CAPN2: variants seen among roughly 807,000 people sequenced by gnomAD.
CAPN2 encodes calpain 2.
A neutral mutation model predicts 102.3 loss-of-function variants in CAPN2; 92 were observed. The ratio of observed to expected loss-of-function variants is 0.90; its 90% CI spans 0.76 to 1.07. CAPN2 has a LOEUF of 1.07. Among genes scored for constraint, CAPN2 ranks in the 50% least tolerant of loss-of-function variants. The probability of loss-of-function intolerance (pLI) is 0.00; values close to 1 mark genes in which losing one functional copy is unlikely to be tolerated. For missense variants in CAPN2, 800 were observed against 909.4 expected, an observed-to-expected ratio of 0.88 and a Z score of 1.55; for synonymous variants, 340 against 355.4, an observed-to-expected ratio of 0.96 and a Z score of 0.49.
At chr1:223,704,518 A>G (rs1659557746) in intron 1 of CAPN2, among the ~76,000 whole-genome samples, 1 of 152,212 alleles carries the variant, frequency 6.6e-6, no homozygotes, top group Non-Finnish European at 1.5e-5. Context: ...TATTCTACAG[A>G]TGGAGAAATT....
chr1:223,742,692 G>A (rs895799359), intron 2 of CAPN2, among the ~76,000 whole-genome samples: 1 of 133,956 alleles, frequency 7.5e-6, no homozygotes, highest in Non-Finnish European at 1.5e-5. Context: ...GCAAATTTTT[G>A]TATTTTTTTG....
intron 17 of CAPN2, 36 bp from the exon 18 acceptor site, chr1:223,770,411 G>T: frequency 6.7e-7 from 1 of 1,498,198 alleles, no homozygotes; most frequent in Non-Finnish European, 9.3e-7. Flanking sequence ...GCTTTGCTTT[G>T]GGTCATAGTT....
chr1:223,773,948 C>T (rs772674830), intron 20 of CAPN2, among the ~76,000 whole-genome samples: 10 of 152,110 alleles, frequency 6.6e-5, no homozygotes, highest in African/African-American at 9.7e-5. Context: ...GTGGGAGGAA[C>T]ACCTGAGCCC....
At chr1:223,771,725 C>A in intron 18 of CAPN2, 84 bp from the exon 19 acceptor site, 1 of 858,790 alleles carries the variant, frequency 1.2e-6, no homozygotes, top group South Asian at 1.4e-5. Context: ...TTTAAATCAC[C>A]ACATTAGTTT....
chr1:223,774,288 T>G (rs138063269), intron 20 of CAPN2, among the ~76,000 whole-genome samples: 1 of 152,174 alleles, frequency 6.6e-6, no homozygotes, highest in African/African-American at 2.4e-5. Flanking sequence ...TTCCTGGAGA[T>G]CCTCGCTTCT....
intron 14 of CAPN2, among the ~76,000 whole-genome samples, chr1:223,763,464 G>T (rs1661239287): frequency 6.6e-6 from 1 of 152,126 alleles, no homozygotes; most frequent in Non-Finnish European, 1.5e-5. Context: ...ATCAATCTTG[G>T]TTTTAAACAA....
rs941330233 is a variant in CAPN2 at position 223,768,510 on chromosome 1, G to A, written c.1756-1331G>A. On this transcript the variant is annotated intron_variant, in intron 16 of 20. Transcript: ENST00000295006. The stretch of plus-strand genomic sequence containing the variant: ...AAGATCAGATAGTTGTAGATACGGC[G>A]TTATTTCTGAGGGCTCTGTTCTGTT... Among the ~76,000 whole-genome samples, 42 of 152,156 alleles carry A rather than the reference G, an allele frequency of 2.8e-4. 1 individual carries two copies. Among genetic ancestry groups the A allele is most frequent in the Admixed American group, 1.3e-3 (20 of 15,270 alleles).
intron 20 of CAPN2, among the ~76,000 whole-genome samples, chr1:223,773,714 G>C (rs1306766759): frequency 6.6e-6 from 1 of 151,928 alleles, no homozygotes; most frequent in Non-Finnish European, 1.5e-5. Flanking sequence ...AAAATTAGCT[G>C]GGCGTGGTGG....
chr1:223,770,040 C>G, intron 17 of CAPN2, 131 bp downstream of exon 17: 2 of 811,702 alleles, frequency 2.5e-6, no homozygotes, highest in Non-Finnish European at 4.1e-6. Context: ...TAATGAAGCT[C>G]AGAGTGAGTA....
intron 6 of CAPN2, 133 bp from the exon 7 acceptor site, chr1:223,750,757 C>T: frequency 1.3e-6 from 1 of 771,048 alleles, no homozygotes; most frequent in South Asian, 1.6e-5. Flanking sequence ...TACATGGACT[C>T]AACCCCCAAA....
At chr1:223,749,273 A>G in intron 6 of CAPN2, 151 bp downstream of exon 6, 7 of 662,480 alleles carry the variant, frequency 1.1e-5, no homozygotes, top group Non-Finnish European at 1.8e-5. Context: ...GCGGGAGGAG[A>G]AGGGCGTCCC....
intron 2 of CAPN2, among the ~76,000 whole-genome samples, chr1:223,739,794 C>T (rs958797874): frequency 6.6e-6 from 1 of 152,204 alleles, no homozygotes. Flanking sequence ...GAGAGGCCTC[C>T]GTCACTGGAA....
intron 2 of CAPN2, among the ~76,000 whole-genome samples, chr1:223,719,981 T>G (rs1660007908): frequency 6.6e-6 from 1 of 152,214 alleles, no homozygotes; most frequent in East Asian, 1.9e-4. Flanking sequence ...TGATGGGGCC[T>G]TGACCTTCAC....
chr1:223,724,259 TG>T (rs1341609879), intron 2 of CAPN2, among the ~76,000 whole-genome samples: 2 of 152,118 alleles, frequency 1.3e-5, no homozygotes, highest in African/African-American at 4.8e-5. Flanking sequence ...GACACTCATC[TG>T]GGGATTTGAG....
intron 2 of CAPN2, among the ~76,000 whole-genome samples, 166 bp from the exon 3 acceptor site, chr1:223,743,934 C>A (rs28370050): frequency 3.0e-3 from 458 of 152,324 alleles, no homozygotes; most frequent in African/African-American, 0.011. Context: ...ACCTAATAGC[C>A]CCCAAACCCT....
At chr1:223,703,955 T>A (rs1659543816) in intron 1 of CAPN2, among the ~76,000 whole-genome samples, 1 of 152,204 alleles carries the variant, frequency 6.6e-6, no homozygotes, top group Non-Finnish European at 1.5e-5. Flanking sequence ...GACCCTCTCA[T>A]GAACATCTCA....
In CAPN2 at chr1:223,755,535, C is replaced by G. The variant is rs201268064; in HGVS notation, c.1191C>G (p.Asp397Glu). 1.2e-6 allele frequency: 2 copies of G among 1,613,794 alleles called. No homozygotes were observed. The highest frequency in any genetic ancestry group is 1.1e-5 in the South Asian group (1 of 90,824). The change falls in exon 10 of 21, where the codon GAC becomes GAG. Residue 397 changes from aspartate (D) to glutamate (E), a missense_variant. Coordinates refer to ENST00000295006, the MANE Select transcript of CAPN2 (RefSeq NM_001748.5). The surrounding 1 kb of genome is among the most constrained non-coding windows in gnomAD (Gnocchi z 4.1). ...YLIKLEEEDEDEEDGESGCTF... is the reference protein window; with the variant it reads ...YLIKLEEEDEEEEDGESGCTF... ...TCAAGCTGGAGGAGGAGGATGAGGA[C>G]GAGGAGGATGGGGAGAGCGGCTGCA...
intron 1 of CAPN2, among the ~76,000 whole-genome samples, chr1:223,703,263 T>A (rs915459545): frequency 2.1e-4 from 32 of 152,198 alleles, no homozygotes; most frequent in African/African-American, 7.7e-4. Context: ...AAGACCTATC[T>A]TATAGGGCTA....
Position 223,725,398 on chromosome 1 carries a change from G to T in CAPN2, c.307+7567G>T, listed in dbSNP as rs936847912. ...ACTTCATCTCAAAAAAAAAAAAATT[G>T]TGTCTACCTCAGAGGACTGTAAAGA... On this transcript the variant is annotated intron_variant, in intron 2 of 20. Transcript: ENST00000295006. The surrounding 1 kb of genome is among the most constrained non-coding windows in gnomAD (Gnocchi z 4.1). 2.6e-5 allele frequency among the ~76,000 whole-genome samples: 4 copies of T among 151,786 alleles called. No individual in the cohort carries two copies. Among genetic ancestry groups the T allele is most frequent in the Non-Finnish European group, 4.4e-5 (3 of 67,960 alleles).
Sources: gnomAD v4.1 joint callset for allele counts (sites outside exome capture counted in the v4.1 genomes callset) on GRCh38, gnomAD v4.1.1 for gene constraint, Gnocchi (gnomAD v3.1) non-coding constraint, MANE v1.5 for transcripts, NCBI Gene and HGNC (gene_info 2026-07-23, HGNC 2026-07-21) for gene names.